Variants in HMGB1 observed in about 807,000 individuals in gnomAD.
HMGB1 encodes high mobility group box 1, also known as high mobility group protein B1.
For synonymous variants in HMGB1, 81 were observed against 84.0 expected (o/e 0.96, Z 0.19); for missense variants, 79 against 253.5 (o/e 0.31, Z 4.67).
At chr13:30,601,279 A>ACT (rs1479397694) in intron 1 of HMGB1, among the ~76,000 whole-genome samples, 1 of 152,090 alleles carries the variant, frequency 6.6e-6, no homozygotes, top group East Asian at 1.9e-4. Flanking sequence ...CTCTTTTCTG[A>ACT]CTCAGCCCGC....
At chr13:30,555,089 T>A (rs1358277766) in intron 1 of HMGB1, among the ~76,000 whole-genome samples, 6 of 127,508 alleles carry the variant, frequency 4.7e-5, no homozygotes, top group Admixed American at 9.7e-5. Context: ...TTGCCCAGGC[T>A]GGAGTACAGT....
chr13:30,564,424 C>T (rs1870101370), intron 1 of HMGB1, among the ~76,000 whole-genome samples: 1 of 152,090 alleles, frequency 6.6e-6, no homozygotes, highest in Non-Finnish European at 1.5e-5. Context: ...TGAGAATACA[C>T]CACTGCACTC....
rs58604214 is a variant in HMGB1, at chr13:30,488,645, TTTATTATTATTATTATTATTATTATTA to T, written c.-14-24978_-14-24952del. Among the ~76,000 whole-genome samples, 662 of 137,854 alleles carry T rather than the reference TTTATTATTATTATTATTATTATTATTA, an allele frequency of 4.8e-3. 1 individual carries two copies. Among genetic ancestry groups the T allele is most frequent in the Non-Finnish European group, 7.5e-3 (489 of 65,136 alleles). The allele number at this position is 137,854 out of a possible 152,430, so 90.4% of individuals were successfully genotyped here. On this transcript the variant is annotated intron_variant, in intron 1 of 4. Transcript: ENST00000405805. ...GCTACAAGCCTGGCTAATTTTTAAT[TTTATTATTATTATTATTATTATTATTA>T]TTATTATTATTATTATTATTATTAC...
At chr13:30,483,058 T>G (rs546111888) in intron 1 of HMGB1, among the ~76,000 whole-genome samples, 2 of 151,990 alleles carry the variant, frequency 1.3e-5, no homozygotes, top group African/African-American at 2.4e-5. Flanking sequence ...CCTCCTAAAG[T>G]GCTGGAATTA....
At position 30,464,578 on chromosome 13, in the gene HMGB1, CCCGCG is replaced by C. The variant is rs1333203360; in HGVS notation, c.-14-889_-14-885del. ...ACGTGCGCCCGGCAGGCCCTGCAGG[CCCGCG>C]CCGCCGCCGCCCCCATTTTGTCAGG... is the stretch of plus-strand genomic sequence containing the variant. On this transcript the variant is annotated intron_variant, in intron 1 of 4. Coordinates refer to ENST00000341423, the MANE Select transcript of HMGB1 (RefSeq NM_002128.7). 4.1e-6 allele frequency: 4 copies of C among 981,064 alleles called. No homozygotes were observed. In the African/African-American group the frequency reaches 7.1e-5, roughly 17 times the overall value. 60.8% of individuals were successfully genotyped at this position (981,064 alleles called of 1,614,324 possible). A position where few individuals can be genotyped will look rare whatever the true frequency, so the allele number is the denominator to read the frequency against.
chr13:30,499,079 AGTAGCTGG>A (rs1480444063), intron 1 of HMGB1, among the ~76,000 whole-genome samples: 1 of 151,928 alleles, frequency 6.6e-6, no homozygotes, highest in Non-Finnish European at 1.5e-5. Flanking sequence ...TAGTCTCCTA[AGTAGCTGG>A]GATTACAGGT....
intron 1 of HMGB1, among the ~76,000 whole-genome samples, chr13:30,538,451 A>ATTTCTTTCTTTCT (rs1555238697): frequency 1.1e-5 from 1 of 90,612 alleles, no homozygotes; most frequent in African/African-American, 5.7e-5. Context: ...AGTACTAGCA[A>ATTTCTTTCTTTCT]TTCTTTCTTT....
intron 1 of HMGB1, among the ~76,000 whole-genome samples, chr13:30,507,815 G>A (rs1246011722): frequency 2.0e-5 from 3 of 152,106 alleles, no homozygotes; most frequent in South Asian, 4.2e-4. Context: ...AAAACATAGT[G>A]AGACTCCATC....
At chr13:30,468,742 AAGAC>A (rs1460828976), upstream of HMGB1, among the ~76,000 whole-genome samples, 1 of 152,234 alleles carries the variant, frequency 6.6e-6, no homozygotes, top group African/African-American at 2.4e-5. Context: ...GAACATAAAA[AAGAC>A]AGAAATTTTA....
At chr13:30,520,630 T>TAAATA (rs917957741) in intron 1 of HMGB1, among the ~76,000 whole-genome samples, 13 of 152,110 alleles carry the variant, frequency 8.5e-5, no homozygotes, top group East Asian at 3.9e-4. Flanking sequence ...AATAAATAAA[T>TAAATA]AAATAAAATA....
chr13:30,482,853 T>A (rs921993704), intron 1 of HMGB1, among the ~76,000 whole-genome samples: 3 of 152,012 alleles, frequency 2.0e-5, no homozygotes, highest in Non-Finnish European at 4.4e-5. Flanking sequence ...AGTGGTGTGA[T>A]CATAGCTCAC....
At position 30,559,018 on chromosome 13, in the gene HMGB1, G is replaced by A. The variant is rs117567793; in HGVS notation, c.-15+57653C>T. Among the ~76,000 whole-genome samples the A allele has an allele frequency of 6.6e-5, 10 of 152,312 alleles. No homozygotes were observed. The highest frequency in any genetic ancestry group is 1.3e-4 in the Admixed American group (2 of 15,300). ...TCACAGTAGGTGTTCAGAATGTGTT[G>A]AATGAATAAATGATCTGTACACTTT... is the stretch of plus-strand genomic sequence containing the variant. On this transcript the variant is annotated intron_variant, in intron 1 of 4. Transcript: ENST00000405805. This position sits in a 1 kb window ranked among gnomAD's most constrained non-coding sequence, Gnocchi z 6.6.
chr13:30,478,106 A>G (rs1340437472), intron 1 of HMGB1, among the ~76,000 whole-genome samples: 1 of 152,236 alleles, frequency 6.6e-6, no homozygotes, highest in Non-Finnish European at 1.5e-5. Context: ...AGTCATGTTC[A>G]GAAATGAACT....
At chr13:30,488,645 TTTATTATTA>T (rs58604214) in intron 1 of HMGB1, among the ~76,000 whole-genome samples, 11,405 of 137,710 alleles carry the variant, frequency 0.083, 829 homozygotes, top group African/African-American at 0.19. Context: ...AATTTTTAAT[TTTATTATTA>T]TTATTATTAT....
chr13:30,617,459 C>G (rs1047713611), exon 1 of HMGB1: 1 of 152,172 alleles, frequency 6.6e-6, no homozygotes, highest in Non-Finnish European at 1.5e-5. Context: ...ATGGCACCCC[C>G]GCCGGCTTCG....
intron 1 of HMGB1, among the ~76,000 whole-genome samples, chr13:30,520,704 T>C (rs2137474180): frequency 6.6e-6 from 1 of 152,356 alleles, no homozygotes; most frequent in Non-Finnish European, 1.5e-5. Flanking sequence ...ATCACTTGTT[T>C]GACTCAGAGT....
At chr13:30,509,921 C>G (rs1887953040) in intron 1 of HMGB1, among the ~76,000 whole-genome samples, 1 of 152,214 alleles carries the variant, frequency 6.6e-6, no homozygotes, top group Non-Finnish European at 1.5e-5. Context: ...AGTTTTAACT[C>G]TTACCTATAG....
intron 1 of HMGB1, among the ~76,000 whole-genome samples, chr13:30,500,346 G>A (rs1265114711): frequency 1.3e-5 from 2 of 152,072 alleles, no homozygotes; most frequent in Non-Finnish European, 2.9e-5. Flanking sequence ...AAGACACCAG[G>A]AGATGCAAGT....
chr13:30,523,738 G>GC (rs11456814), intron 1 of HMGB1, among the ~76,000 whole-genome samples: 103,987 of 140,112 alleles, frequency 0.74, 38,868 homozygotes, highest in Non-Finnish European at 0.81. Flanking sequence ...TTTTTGTTGG[G>GC]CCCTTTTTTT....
Sources: gnomAD v4.1 joint callset for allele counts (sites outside exome capture counted in the v4.1 genomes callset) on GRCh38, gnomAD v4.1.1 for gene constraint, Gnocchi (gnomAD v3.1) non-coding constraint, MANE v1.5 for transcripts, NCBI Gene and HGNC (gene_info 2026-07-23, HGNC 2026-07-21) for gene names.